The following GPC6 variants were observed in gnomAD, a reference collection of about 807,000 sequenced individuals.
The protein encoded by GPC6 is glypican-6.
In GPC6, 14 loss-of-function variants were observed where a neutral mutation model predicts 55.2. The observed-to-expected ratio is 0.25, with a 90% CI of 0.17 to 0.40. The LOEUF (loss-of-function observed/expected upper bound fraction) is 0.40. GPC6 is among the 10% of genes least tolerant of loss of function. The pLI is 1.00. For missense variants in GPC6, 641 were observed against 708.5 expected (o/e 0.90, Z 1.08); for synonymous variants, 278 against 259.6 (o/e 1.07, Z -0.68).
intron 2 of GPC6, among the ~76,000 whole-genome samples, chr13:93,793,099 C>T (rs753986470): frequency 2.0e-5 from 3 of 152,196 alleles, no homozygotes; most frequent in Non-Finnish European, 2.9e-5. Context: ...CTATGATAGA[C>T]ATTTTCTAGG....
intron 2 of GPC6, among the ~76,000 whole-genome samples, chr13:93,573,851 C>T (rs1163480200): frequency 6.6e-6 from 1 of 152,150 alleles, no homozygotes; most frequent in Non-Finnish European, 1.5e-5. Context: ...TCTGCTCATC[C>T]ATTTCTACAG....
chr13:93,453,797 C>T (rs1878321418), intron 1 of GPC6, among the ~76,000 whole-genome samples: 1 of 151,898 alleles, frequency 6.6e-6, no homozygotes, highest in Non-Finnish European at 1.5e-5. Flanking sequence ...TGTTACAGCT[C>T]ATAAAAGCAG....
chr13:93,242,622 C>T (rs999300473), intron 1 of GPC6, among the ~76,000 whole-genome samples: 11 of 152,236 alleles, frequency 7.2e-5, no homozygotes, highest in African/African-American at 2.4e-4. Context: ...GCTGCTCGAC[C>T]GCTGGGGAAG....
Position 93,886,760 on chromosome 13 carries a change from GTT to G in GPC6, c.711+56227_711+56228del, listed in dbSNP as rs34144264. 7.2e-3 allele frequency among the ~76,000 whole-genome samples: 858 copies of G among 119,100 alleles called. 17 individuals are homozygous for G. The highest frequency in any genetic ancestry group is 0.042 in the Admixed American group (503 of 12,036). The allele number at this position is 119,100 out of a possible 152,430, so 78.1% of individuals were successfully genotyped here. A position where few individuals can be genotyped will look rare whatever the true frequency, so the allele number is the denominator to read the frequency against. On this transcript the variant is annotated intron_variant, in intron 3 of 8. Coordinates refer to ENST00000377047, the MANE Select transcript of GPC6 (RefSeq NM_005708.5). ...TTTGAGCATCTGTCATTTTTTTTTT[GTT>G]TTTTTTTTTTTCATATTTTTAATCC...
chr13:93,310,780 A>G (rs997934816), intron 1 of GPC6, among the ~76,000 whole-genome samples: 2 of 152,216 alleles, frequency 1.3e-5, no homozygotes, highest in Non-Finnish European at 2.9e-5. Flanking sequence ...CGCTGTTGTA[A>G]CTAATCATAA....
intron 7 of GPC6, among the ~76,000 whole-genome samples, chr13:94,383,495 C>G (rs375952345): frequency 3.1e-4 from 47 of 152,194 alleles, no homozygotes; most frequent in African/African-American, 9.9e-4. Flanking sequence ...CTTTGGGGGG[C>G]CAAGGTGGGA....
chr13:93,798,742 A>G (rs1160297405), intron 2 of GPC6, among the ~76,000 whole-genome samples: 1 of 152,000 alleles, frequency 6.6e-6, no homozygotes, highest in East Asian at 1.9e-4. Context: ...AACATGGTGA[A>G]AACCCATCTC....
At chr13:93,237,834 A>G (rs1174183156) in intron 1 of GPC6, among the ~76,000 whole-genome samples, 3 of 152,122 alleles carry the variant, frequency 2.0e-5, no homozygotes, top group Admixed American at 6.6e-5. Context: ...TACTTTCCCC[A>G]GTGTATGTTT....
intron 3 of GPC6, among the ~76,000 whole-genome samples, chr13:93,921,961 A>AG (rs1877598145): frequency 6.6e-6 from 1 of 151,888 alleles, no homozygotes. Context: ...GAAAAAAAAA[A>AG]TCTTCCTTGA....
At chr13:93,248,376 C>A (rs1876672288) in intron 1 of GPC6, among the ~76,000 whole-genome samples, 1 of 139,178 alleles carries the variant, frequency 7.2e-6, no homozygotes, top group Admixed American at 7.4e-5. Flanking sequence ...AAAGTATGAT[C>A]TTATGTTTGA....
intron 1 of GPC6, among the ~76,000 whole-genome samples, chr13:93,372,493 C>G (rs976286503): frequency 6.6e-6 from 1 of 152,160 alleles, no homozygotes; most frequent in African/African-American, 2.4e-5. Flanking sequence ...TCACTGCCAT[C>G]TAACCTCTTT....
intron 3 of GPC6, among the ~76,000 whole-genome samples, chr13:93,981,513 TC>T (rs1202478984): frequency 6.6e-6 from 1 of 152,176 alleles, no homozygotes; most frequent in Non-Finnish European, 1.5e-5. Flanking sequence ...TCAAATCATA[TC>T]AGTGGCTCAG....
At position 93,310,770 on chromosome 13, in the gene GPC6, C is replaced by T. The variant is rs140303848; in HGVS notation, c.160+83154C>T. On this transcript the variant is annotated intron_variant, in intron 1 of 8. Transcript: ENST00000377047. ...CATTCTATATTTTAGGAGCATTGTG[C>T]GCTGTTGTAACTAATCATAATATGA... Among the ~76,000 whole-genome samples the T allele has an allele frequency of 2.7e-3, 413 of 152,220 alleles. 1 individual carries two copies. Among genetic ancestry groups the T allele is most frequent in the South Asian group, 0.019 (91 of 4,826 alleles).
rs533971893 is a variant in GPC6, at chr13:94,031,036, GTGTGCGTT to G, written c.877+3158_877+3165del. ...TGTGTGCGTGTGTGCATGCATGCGT[GTGTGCGTT>G]TGTGCGTTTGTGCGTGTGCATGTGC... On this transcript the variant is annotated intron_variant, in intron 4 of 8. Coordinates refer to ENST00000377047, the MANE Select transcript of GPC6 (RefSeq NM_005708.5). Among the ~76,000 whole-genome samples, 144 of 152,056 alleles carry G rather than the reference GTGTGCGTT, an allele frequency of 9.5e-4. 1 individual carries two copies. The highest frequency in any genetic ancestry group is 3.4e-3 in the Middle Eastern group (1 of 294).
Position 94,146,762 on chromosome 13 carries a change from C to T in GPC6, c.877+118868C>T, listed in dbSNP as rs143018509. On this transcript the variant is annotated intron_variant, in intron 4 of 8. Coordinates refer to ENST00000377047, the MANE Select transcript of GPC6 (RefSeq NM_005708.5). Reference sequence around the variant, plus strand: ...GTATATCAAAAGTGATACCAAAAGGCAATTTCTTAGAAATATATTAATTAT... The same window carrying T: ...GTATATCAAAAGTGATACCAAAAGGTAATTTCTTAGAAATATATTAATTAT... Among the ~76,000 whole-genome samples the T allele has an allele frequency of 2.2e-3, 340 of 152,212 alleles. 1 individual carries two copies. The highest frequency in any genetic ancestry group is 3.6e-3 in the Non-Finnish European group (247 of 68,006).
chr13:93,482,811 T>C (rs1879568485), intron 1 of GPC6, among the ~76,000 whole-genome samples: 2 of 152,222 alleles, frequency 1.3e-5, no homozygotes, highest in African/African-American at 4.8e-5. Flanking sequence ...AGCAAGTACG[T>C]TTGTAATAAT....
At chr13:93,652,597 G>C (rs1880462231) in intron 2 of GPC6, among the ~76,000 whole-genome samples, 1 of 152,182 alleles carries the variant, frequency 6.6e-6, no homozygotes, top group Non-Finnish European at 1.5e-5. Flanking sequence ...GCAATATGCA[G>C]TCAAGACATA....
chr13:94,288,914 T>TTA (rs1196076872), intron 5 of GPC6, among the ~76,000 whole-genome samples: 1 of 127,682 alleles, frequency 7.8e-6, no homozygotes, highest in Non-Finnish European at 1.7e-5. Context: ...TATATATTTG[T>TTA]TATATATATA....
intron 3 of GPC6, among the ~76,000 whole-genome samples, chr13:93,859,579 CA>C (rs1330667569): frequency 6.6e-6 from 1 of 151,614 alleles, no homozygotes; most frequent in Non-Finnish European, 1.5e-5. Flanking sequence ...TAGTAGTTAC[CA>C]TTGTCTATCA....
Sources: gnomAD v4.1 joint callset for allele counts (sites outside exome capture counted in the v4.1 genomes callset) on GRCh38, gnomAD v4.1.1 for gene constraint, MANE v1.5 for transcripts, NCBI Gene and HGNC (gene_info 2026-07-23, HGNC 2026-07-21) for gene names.